Variants in PLPPR1 observed in about 807,000 individuals in gnomAD.
PLPPR1 encodes the protein phospholipid phosphatase-related protein type 1.
A neutral mutation model predicts 33.1 loss-of-function variants in PLPPR1; 10 were observed. The observed-to-expected ratio is 0.30, with a 90% CI of 0.19 to 0.51. The LOEUF is 0.51. Among genes scored for constraint, PLPPR1 ranks in the 20% least tolerant of loss-of-function variants. The pLI is 0.97. For missense variants in PLPPR1, 304 were observed against 408.1 expected (o/e 0.74, Z 2.20); for synonymous variants, 151 against 151.0 (o/e 1.00, Z 0.00).
intron 1 of PLPPR1, among the ~76,000 whole-genome samples, chr9:101,172,974 C>G (rs938137288): frequency 6.6e-6 from 1 of 151,974 alleles, no homozygotes; most frequent in Non-Finnish European, 1.5e-5. Context: ...GCATGAAATC[C>G]TACTTACTTT....
chr9:101,034,231 AG>A (rs1829982721), intron 1 of PLPPR1, among the ~76,000 whole-genome samples: 1 of 152,072 alleles, frequency 6.6e-6, no homozygotes, highest in East Asian at 1.9e-4. Flanking sequence ...AGAACAGGAG[AG>A]GAGAGAGAGA....
chr9:101,194,122 C>T (rs182479867), intron 2 of PLPPR1, among the ~76,000 whole-genome samples: 4 of 152,246 alleles, frequency 2.6e-5, no homozygotes, highest in Admixed American at 2.0e-4. Context: ...CAGAAAACTC[C>T]TTTGACGTCT....
At chr9:101,047,065 C>T (rs1564129761) in intron 1 of PLPPR1, among the ~76,000 whole-genome samples, 1 of 152,088 alleles carries the variant, frequency 6.6e-6, no homozygotes, top group African/African-American at 2.4e-5. Flanking sequence ...AGCCTAGATC[C>T]CTTGCATGCG....
chr9:101,151,755 T>C (rs544856693), intron 1 of PLPPR1, among the ~76,000 whole-genome samples: 1 of 152,312 alleles, frequency 6.6e-6, no homozygotes, highest in Non-Finnish European at 1.5e-5. Context: ...AGGTCGAACA[T>C]GGCCTCAGAA....
intron 4 of PLPPR1, among the ~76,000 whole-genome samples, chr9:101,294,963 G>A (rs2118930623): frequency 6.6e-6 from 1 of 152,192 alleles, no homozygotes; most frequent in East Asian, 1.9e-4. Context: ...CAATTAGGCA[G>A]GAGAAGGAAA....
intron 3 of PLPPR1, among the ~76,000 whole-genome samples, chr9:101,280,666 A>G (rs1828281937): frequency 6.6e-6 from 1 of 152,118 alleles, no homozygotes; most frequent in South Asian, 2.1e-4. Context: ...CAGAATGAAG[A>G]AAAAAATTAT....
Position 101,258,695 on chromosome 9 carries a change from A to T in PLPPR1, c.64-11185A>T, listed in dbSNP as rs189290138. On this transcript the variant is annotated intron_variant, in intron 2 of 7. Coordinates refer to ENST00000374874, the MANE Select transcript of PLPPR1 (RefSeq NM_207299.2). ...TCACCACTGTCACTTTCTCATGCAT[A>T]GCATGTGTATTCAGCTCTGCCCTTT... Among the ~76,000 whole-genome samples, 4 of 152,250 alleles carry T rather than the reference A, an allele frequency of 2.6e-5. No individual in the cohort carries two copies. The East Asian group carries it at 5.8e-4, about 22-fold the overall frequency.
intron 4 of PLPPR1, among the ~76,000 whole-genome samples, chr9:101,298,232 T>C (rs75200122): frequency 0.06 from 9,157 of 152,254 alleles, 359 homozygotes; most frequent in South Asian, 0.13. Context: ...GTCTTTTCAT[T>C]TGGGGTCACA....
intron 4 of PLPPR1, among the ~76,000 whole-genome samples, chr9:101,296,810 C>A (rs12339943): frequency 1.3e-5 from 2 of 148,162 alleles, no homozygotes; most frequent in African/African-American, 2.6e-5. Flanking sequence ...GTGGGTGGAG[C>A]GGGGAGGGAT....
At chr9:101,275,724 G>A (rs1828178161) in intron 3 of PLPPR1, among the ~76,000 whole-genome samples, 1 of 152,158 alleles carries the variant, frequency 6.6e-6, no homozygotes, top group Non-Finnish European at 1.5e-5. Flanking sequence ...GCAGCACAAG[G>A]CATGAAAAAA....
At chr9:101,200,364 C>A (rs1175066462) in intron 2 of PLPPR1, among the ~76,000 whole-genome samples, 1 of 152,072 alleles carries the variant, frequency 6.6e-6, no homozygotes, top group Admixed American at 6.6e-5. Flanking sequence ...GTGATCCCAT[C>A]CAACATGTTT....
chr9:101,196,540 A>C (rs1826396073), intron 2 of PLPPR1, among the ~76,000 whole-genome samples: 1 of 152,338 alleles, frequency 6.6e-6, no homozygotes, highest in African/African-American at 2.4e-5. Context: ...GTCCCTTTAT[A>C]TAGTGGACCA....
At position 101,129,924 on chromosome 9, in the gene PLPPR1, A is replaced by C. The variant is rs558257106; in HGVS notation, c.-45-55526A>C. On this transcript the variant is annotated intron_variant, in intron 1 of 7. Transcript: ENST00000374874. The stretch of plus-strand genomic sequence containing the variant: ...TTCTAATTGCAGAAGATAGACAACA[A>C]ATAATATATATTAATAGTATTCCAT... 3.3e-5 allele frequency among the ~76,000 whole-genome samples: 5 copies of C among 152,336 alleles called. No individual in the cohort carries two copies. In the East Asian group the frequency reaches 9.6e-4, roughly 29 times the overall value.
rs145620431 is a variant in PLPPR1 at position 101,178,106 on chromosome 9, G to C, written c.-45-7344G>C. ...ACCAATGGGTCACCTCAGCAGAGGA[G>C]GATTTTAATGATCAAGTGGATAGAA... On this transcript the variant is annotated intron_variant, in intron 1 of 7. Coordinates refer to ENST00000374874, the MANE Select transcript of PLPPR1 (RefSeq NM_207299.2). Among the ~76,000 whole-genome samples the C allele has an allele frequency of 2.3e-3, 355 of 152,334 alleles. 3 individuals carry two copies. The highest frequency in any genetic ancestry group is 7.6e-3 in the African/African-American group (316 of 41,580).
intron 1 of PLPPR1, among the ~76,000 whole-genome samples, chr9:101,152,879 C>T (rs913802040): frequency 9.2e-5 from 14 of 152,218 alleles, no homozygotes; most frequent in Middle Eastern, 6.8e-3. Context: ...CTTGGCAATG[C>T]GGGCTCTTTT....
At chr9:101,046,972 G>C (rs529149068) in intron 1 of PLPPR1, among the ~76,000 whole-genome samples, 5 of 152,146 alleles carry the variant, frequency 3.3e-5, no homozygotes, top group African/African-American at 1.2e-4. Flanking sequence ...CTAGATTGGG[G>C]GTCGGGGGAG....
chr9:101,194,811 G>A (rs778451923), intron 2 of PLPPR1, among the ~76,000 whole-genome samples: 2 of 151,472 alleles, frequency 1.3e-5, no homozygotes, highest in Non-Finnish European at 2.9e-5. Flanking sequence ...TTTTAAATAA[G>A]GTATTGACCA....
intron 2 of PLPPR1, among the ~76,000 whole-genome samples, chr9:101,265,306 G>GGAAAGTCCCTGGT (rs1355605438): frequency 6.6e-6 from 1 of 152,158 alleles, no homozygotes; most frequent in Non-Finnish European, 1.5e-5. Flanking sequence ...CAACAGCTGA[G>GGAAAGTCCCTGGT]GAAAGTCCCT....
chr9:101,235,903 A>G (rs892265616), intron 2 of PLPPR1, among the ~76,000 whole-genome samples: 3 of 151,854 alleles, frequency 2.0e-5, no homozygotes, highest in African/African-American at 7.2e-5. Context: ...GGCTGGCTTT[A>G]TAAAAAATAA....
Sources: gnomAD v4.1 joint callset for allele counts (sites outside exome capture counted in the v4.1 genomes callset) on GRCh38, gnomAD v4.1.1 for gene constraint, MANE v1.5 for transcripts, NCBI Gene and HGNC (gene_info 2026-07-23, HGNC 2026-07-21) for gene names.